ZNF487: variants seen among roughly 807,000 people sequenced by gnomAD.
ZNF487 encodes KRAB domain only 1.
Under a neutral mutation model 3.0 loss-of-function variants are expected in ZNF487, and 4 were observed. That is an observed-to-expected ratio of 1.35 (90% CI 0.66 to 3.08). ZNF487 has a LOEUF of 3.08. Among genes scored for constraint, ZNF487 ranks in the 30% most tolerant of loss-of-function variants. The probability of loss-of-function intolerance (pLI) is 0.01; values close to 1 mark genes in which losing one functional copy is unlikely to be tolerated. For synonymous variants in ZNF487, 55 were observed against 34.6 expected (o/e 1.59, Z -2.06); for missense variants, 146 against 98.7 (o/e 1.48, Z -2.03).
chr10:43,474,685 T>C (rs985509550), intron 1 of ZNF487, among the ~76,000 whole-genome samples: 26 of 151,882 alleles, frequency 1.7e-4, no homozygotes, highest in African/African-American at 5.8e-4. Flanking sequence ...CAGGTTCAAG[T>C]GATTCTCCTG....
chr10:43,517,043 T>G, the ZNF487 span, among the ~76,000 whole-genome samples: 1 of 152,246 alleles, frequency 6.6e-6, no homozygotes, highest in Non-Finnish European at 1.5e-5. Context: ...TGCGTCCAAA[T>G]TTCTCTAAGA....
At chr10:43,455,121 G>A (rs1460250824) in intron 1 of ZNF487, among the ~76,000 whole-genome samples, 1 of 150,542 alleles carries the variant, frequency 6.6e-6, no homozygotes, top group Non-Finnish European at 1.5e-5. Flanking sequence ...GCCTTCTCCT[G>A]CCTCAGCCTC....
intron 1 of ZNF487, among the ~76,000 whole-genome samples, chr10:43,439,575 C>T (rs905540960): frequency 6.6e-6 from 1 of 151,354 alleles, no homozygotes; most frequent in Non-Finnish European, 1.5e-5. Flanking sequence ...TGGTGGTGGG[C>T]GCCTGTAATC....
intron 1 of ZNF487, among the ~76,000 whole-genome samples, chr10:43,443,133 G>C (rs1839678514): frequency 7.3e-6 from 1 of 136,814 alleles, no homozygotes; most frequent in Admixed American, 8.4e-5. Context: ...CATGATCTCT[G>C]CTCACTGCAA....
At chr10:43,489,785 G>A in the ZNF487 span, among the ~76,000 whole-genome samples, 1 of 152,112 alleles carries the variant, frequency 6.6e-6, no homozygotes, top group Non-Finnish European at 1.5e-5. Context: ...GTACATTGGA[G>A]CAAAGTCCTG....
chr10:43,502,516 G>C, the ZNF487 span, among the ~76,000 whole-genome samples: 2 of 151,644 alleles, frequency 1.3e-5, no homozygotes, highest in African/African-American at 4.8e-5. Flanking sequence ...AGAACTTAAA[G>C]TATAATAAAA....
At chr10:43,458,950 G>A (rs1341404742) in intron 1 of ZNF487, among the ~76,000 whole-genome samples, 1 of 152,006 alleles carries the variant, frequency 6.6e-6, no homozygotes, top group African/African-American at 2.4e-5. Flanking sequence ...TGTATTTTCT[G>A]GCAAGTATCT....
chr10:43,469,951 C>CAA (rs61067183), intron 1 of ZNF487, among the ~76,000 whole-genome samples: 2 of 133,794 alleles, frequency 1.5e-5, no homozygotes, highest in African/African-American at 2.7e-5. Flanking sequence ...CTCTGTCTTC[C>CAA]AAAAAAAAAA....
At chr10:43,437,674 G>C (rs988895234) in intron 1 of ZNF487, among the ~76,000 whole-genome samples, 4 of 152,126 alleles carry the variant, frequency 2.6e-5, no homozygotes, top group African/African-American at 9.7e-5. Context: ...TCAGAAACTT[G>C]CACAAGGCCT....
intron 1 of ZNF487, among the ~76,000 whole-genome samples, chr10:43,446,975 C>T (rs984208946): frequency 1.4e-4 from 21 of 151,964 alleles, no homozygotes; most frequent in African/African-American, 4.6e-4. Context: ...GCAGATGACT[C>T]GAGGTCAGGA....
rs1169040013 is a variant in ZNF487, at chr10:43,483,148, G to T, written c.*1226G>T. The T allele has an allele frequency of 6.6e-6, 3 of 452,842 alleles. No homozygotes were observed. Among genetic ancestry groups the T allele is most frequent in the East Asian group, 1.4e-4 (2 of 14,374 alleles). The allele number at this position is 452,842 out of a possible 1,614,324, so 28.1% of individuals were successfully genotyped here. A position where few individuals can be genotyped will look rare whatever the true frequency, so the allele number is the denominator to read the frequency against. ...GCAGAAACAACCCAGGTTGGGGTGAGAACACCCAATAAAGATGAGAAATCT... is the reference window on the plus strand; with the variant it reads ...GCAGAAACAACCCAGGTTGGGGTGATAACACCCAATAAAGATGAGAAATCT... On this transcript the variant is annotated 3_prime_UTR_variant, in exon 4 of 4. Coordinates refer to ENST00000437590, the MANE Select transcript of ZNF487 (RefSeq NM_001355444.3).
the ZNF487 span, among the ~76,000 whole-genome samples, chr10:43,507,799 G>A: frequency 6.6e-6 from 1 of 152,236 alleles, no homozygotes; most frequent in African/African-American, 2.4e-5. Flanking sequence ...TGCCTACAAG[G>A]TGGGCCATTG....
chr10:43,467,330 G>A (rs189642925), intron 1 of ZNF487, among the ~76,000 whole-genome samples: 51 of 151,630 alleles, frequency 3.4e-4, no homozygotes, highest in Admixed American at 2.0e-3. Flanking sequence ...TCAGCCTCCC[G>A]ACTAGCTGGG....
chr10:43,509,573 T>C, the ZNF487 span, among the ~76,000 whole-genome samples: 1 of 151,510 alleles, frequency 6.6e-6, no homozygotes, highest in Admixed American at 6.6e-5. Context: ...CCAGTCCAAC[T>C]TCCAAAAGGA....
At chr10:43,437,435 A>G (rs544029971) in intron 1 of ZNF487, among the ~76,000 whole-genome samples, 173 bp downstream of exon 1, 1 of 152,250 alleles carries the variant, frequency 6.6e-6, no homozygotes, top group East Asian at 1.9e-4. Context: ...GGGAGCGGCC[A>G]GCCCACCCTA....
the ZNF487 span, among the ~76,000 whole-genome samples, chr10:43,494,308 CA>C: frequency 1.2e-4 from 19 of 152,090 alleles, no homozygotes; most frequent in African/African-American, 4.1e-4. Context: ...ATATGTGTCC[CA>C]AAATATTCTT....
chr10:43,515,228 G>A, the ZNF487 span, among the ~76,000 whole-genome samples: 1 of 152,272 alleles, frequency 6.6e-6, no homozygotes, highest in Non-Finnish European at 1.5e-5. Context: ...CCTTTTGAGT[G>A]TAGTGCATAC....
At chr10:43,495,347 G>A in the ZNF487 span, among the ~76,000 whole-genome samples, 2 of 151,912 alleles carry the variant, frequency 1.3e-5, no homozygotes, top group Admixed American at 1.3e-4. Flanking sequence ...AGGTTCAAGC[G>A]ATTCTCCCAC....
At chr10:43,502,525 A>G in the ZNF487 span, among the ~76,000 whole-genome samples, 1 of 152,136 alleles carries the variant, frequency 6.6e-6, no homozygotes. Context: ...AGTATAATAA[A>G]AAAAAAAGAA....
Sources: gnomAD v4.1 joint callset for allele counts (sites outside exome capture counted in the v4.1 genomes callset) on GRCh38, gnomAD v4.1.1 for gene constraint, MANE v1.5 for transcripts, NCBI Gene and HGNC (gene_info 2026-07-23, HGNC 2026-07-21) for gene names.